Variants in ERC1 observed in about 807,000 individuals in gnomAD.
ERC1 encodes the protein RAB6 interacting protein 2.
In ERC1, 56 loss-of-function variants were observed where a neutral mutation model predicts 132.0. The ratio of observed to expected loss-of-function variants is 0.42; its 90% CI spans 0.34 to 0.53. The LOEUF (loss-of-function observed/expected upper bound fraction) is 0.53. ERC1 is among the 20% of genes least tolerant of loss of function. The pLI is 0.03. For synonymous variants in ERC1, 478 were observed against 476.1 expected (o/e 1.00, Z -0.05); for missense variants, 1,202 against 1,349.9 (o/e 0.89, Z 1.72).
At chr12:1,439,734 T>C (rs1377180720) in intron 17 of ERC1, among the ~76,000 whole-genome samples, 1 of 152,206 alleles carries the variant, frequency 6.6e-6, no homozygotes, top group Non-Finnish European at 1.5e-5. Flanking sequence ...CCCTTGCCAA[T>C]GTATTGAGGT....
intron 17 of ERC1, among the ~76,000 whole-genome samples, chr12:1,442,427 A>G (rs182509855): frequency 1.8e-4 from 27 of 152,338 alleles, no homozygotes; most frequent in African/African-American, 6.0e-4. Flanking sequence ...CCTGCTGATT[A>G]GGAGTCTCTT....
At chr12:1,303,666 A>G (rs2080596664) in intron 15 of ERC1, among the ~76,000 whole-genome samples, 1 of 145,014 alleles carries the variant, frequency 6.9e-6, no homozygotes, top group African/African-American at 2.6e-5. Flanking sequence ...AATAAAAATA[A>G]TTCTATCGGC....
At chr12:1,001,832 C>T in intron 1 of ERC1, among the ~76,000 whole-genome samples, 1 of 146,664 alleles carries the variant, frequency 6.8e-6, no homozygotes, top group East Asian at 2.0e-4. Context: ...GATTATGCCA[C>T]TATGACTATT....
intron 18 of ERC1, among the ~76,000 whole-genome samples, chr12:1,478,290 T>A (rs180787893): frequency 6.6e-6 from 1 of 152,338 alleles, no homozygotes; most frequent in Admixed American, 6.5e-5. Flanking sequence ...ACTTGTATTT[T>A]CCTGATGACT....
At chr12:1,438,290 G>C (rs942141415) in intron 17 of ERC1, among the ~76,000 whole-genome samples, 1 of 152,120 alleles carries the variant, frequency 6.6e-6, no homozygotes, top group Admixed American at 6.5e-5. Flanking sequence ...TTATTTTCTC[G>C]CATCTTTTAC....
intron 8 of ERC1, among the ~76,000 whole-genome samples, chr12:1,153,545 A>C (rs543310841): frequency 6.6e-6 from 1 of 152,280 alleles, no homozygotes; most frequent in African/African-American, 2.4e-5. Flanking sequence ...AACAGCTCAC[A>C]GTTTTCCTAG....
At chr12:1,442,275 G>A (rs2093176762) in intron 17 of ERC1, among the ~76,000 whole-genome samples, 1 of 152,152 alleles carries the variant, frequency 6.6e-6, no homozygotes, top group Non-Finnish European at 1.5e-5. Flanking sequence ...TTTTTGAAAA[G>A]TTGGTATTGT....
At position 1,463,781 on chromosome 12, in the gene ERC1, T is replaced by C. The variant is rs1397974495; in HGVS notation, c.3213+19031T>C. Among the ~76,000 whole-genome samples, 17 of 149,672 alleles carry C rather than the reference T, an allele frequency of 1.1e-4. No homozygotes were observed. The Admixed American group carries it at 1.1e-3, about 10-fold the overall frequency. ...TATTGAGTAGTTTTCTCCTCTCTGC[T>C]CTCACACACAGTCTGGCACTTTCTT... On this transcript the variant is annotated intron_variant, in intron 18 of 18. Coordinates refer to ENST00000360905, the MANE Select transcript of ERC1 (RefSeq NM_178040.4).
At chr12:1,151,228 G>C (rs1023829820) in intron 8 of ERC1, among the ~76,000 whole-genome samples, 1 of 152,206 alleles carries the variant, frequency 6.6e-6, no homozygotes, top group African/African-American at 2.4e-5. Context: ...TCAAAGCTTG[G>C]TGGACCCAAA....
intron 15 of ERC1, among the ~76,000 whole-genome samples, chr12:1,347,952 C>T (rs1283708255): frequency 6.6e-6 from 1 of 151,884 alleles, no homozygotes; most frequent in Non-Finnish European, 1.5e-5. Flanking sequence ...CACTGCACTC[C>T]AATCTGGTCA....
chr12:1,347,202 T>C (rs552484590), intron 15 of ERC1, among the ~76,000 whole-genome samples: 1 of 152,312 alleles, frequency 6.6e-6, no homozygotes, highest in South Asian at 2.1e-4. Context: ...GTATGCTTAT[T>C]AGTCAGTGTA....
chr12:1,146,307 G>GTTTTTT (rs1346178811), intron 8 of ERC1, among the ~76,000 whole-genome samples: 25 of 59,360 alleles, frequency 4.2e-4, no homozygotes, highest in Non-Finnish European at 6.2e-4. Flanking sequence ...GTATTTTACT[G>GTTTTTT]GTTTTTTTTT....
intron 13 of ERC1, among the ~76,000 whole-genome samples, chr12:1,253,418 T>C (rs2076585602): frequency 6.6e-6 from 1 of 152,208 alleles, no homozygotes; most frequent in Non-Finnish European, 1.5e-5. Flanking sequence ...GGCTCACACC[T>C]GTAATCCCAG....
At position 1,356,571 on chromosome 12, in the gene ERC1, C is replaced by T. The variant is rs368285548; in HGVS notation, c.2781-15262C>T. On this transcript the variant is annotated intron_variant, in intron 15 of 18. Transcript: ENST00000360905. ...ATAATGCCATAGCTAAGGAGAGAAC[C>T]TTCAAATTAAAAACAAAAACACTTT... Among the ~76,000 whole-genome samples the T allele has an allele frequency of 1.1e-4, 17 of 152,160 alleles. No individual in the cohort carries two copies. In the South Asian group the frequency reaches 3.5e-3, roughly 32 times the overall value.
intron 15 of ERC1, among the ~76,000 whole-genome samples, chr12:1,362,440 C>T (rs1472807457): frequency 1.3e-5 from 2 of 151,830 alleles, no homozygotes; most frequent in East Asian, 1.9e-4. Context: ...CTCTGTCTCT[C>T]TCTCTCTGTC....
chr12:1,261,010 T>C (rs1402143943), intron 13 of ERC1, among the ~76,000 whole-genome samples: 1 of 152,186 alleles, frequency 6.6e-6, no homozygotes, highest in Non-Finnish European at 1.5e-5. Context: ...CACTGCCGGC[T>C]TCAGGTAAAG....
At chr12:1,384,116 A>G (rs1409446269) in intron 16 of ERC1, among the ~76,000 whole-genome samples, 1 of 152,234 alleles carries the variant, frequency 6.6e-6, no homozygotes, top group Non-Finnish European at 1.5e-5. Context: ...CATATTATTA[A>G]TAACCCCATC....
At chr12:1,333,393 C>T (rs562940437) in intron 15 of ERC1, among the ~76,000 whole-genome samples, 39 of 139,944 alleles carry the variant, frequency 2.8e-4, no homozygotes, top group Admixed American at 9.2e-4. Flanking sequence ...AGTGCAGTGG[C>T]GCGACGTCGG....
chr12:1,363,221 C>G (rs532460754), intron 15 of ERC1, among the ~76,000 whole-genome samples: 1 of 152,142 alleles, frequency 6.6e-6, no homozygotes, highest in Non-Finnish European at 1.5e-5. Flanking sequence ...AGTAGAGATA[C>G]AGATGTCGAG....
Sources: gnomAD v4.1 joint callset for allele counts (sites outside exome capture counted in the v4.1 genomes callset) on GRCh38, gnomAD v4.1.1 for gene constraint, MANE v1.5 for transcripts, NCBI Gene and HGNC (gene_info 2026-07-23, HGNC 2026-07-21) for gene names.